The following EML4 variants were observed in gnomAD, a reference collection of about 807,000 sequenced individuals.
EML4 encodes EMAP like 4, also known as echinoderm microtubule-associated protein-like 4.
EML4 carries 72 observed loss-of-function variants against 129.0 expected under a neutral mutation model. The ratio of observed to expected loss-of-function variants is 0.56; its 90% CI spans 0.46 to 0.68. EML4 has a LOEUF of 0.68. EML4 is among the 30% of genes least tolerant of loss of function. The probability of loss-of-function intolerance (pLI) is 0.00; values close to 1 mark genes in which losing one functional copy is unlikely to be tolerated. For synonymous variants in EML4, 532 were observed against 405.0 expected, an observed-to-expected ratio of 1.31 and a Z score of -3.77; for missense variants, 1,363 against 1,190.6, an observed-to-expected ratio of 1.14 and a Z score of -2.13.
chr2:42,192,965 T>G (rs1405579889), intron 1 of EML4, among the ~76,000 whole-genome samples: 1 of 152,154 alleles, frequency 6.6e-6, no homozygotes, highest in Admixed American at 6.5e-5. Flanking sequence ...TGAGGTAGTA[T>G]AGTGTATGTC....
At chr2:42,198,937 C>T (rs1672053789) in intron 1 of EML4, among the ~76,000 whole-genome samples, 1 of 152,032 alleles carries the variant, frequency 6.6e-6, no homozygotes, top group Non-Finnish European at 1.5e-5. Flanking sequence ...CAGGACTTGA[C>T]AAAGGAGAGT....
intron 1 of EML4, among the ~76,000 whole-genome samples, chr2:42,229,830 A>G (rs537213245): frequency 3.3e-5 from 5 of 152,092 alleles, no homozygotes; most frequent in Admixed American, 2.6e-4. Flanking sequence ...TAACAAAAAT[A>G]TACTTAATTT....
chr2:42,301,777 A>G (rs1170593296), intron 14 of EML4, among the ~76,000 whole-genome samples: 4 of 152,186 alleles, frequency 2.6e-5, no homozygotes, highest in African/African-American at 9.6e-5. Context: ...GGATCCTGAT[A>G]GTACTGCTCT....
chr2:42,286,133 A>T, intron 9 of EML4, 136 bp from the exon 10 acceptor site: 1 of 691,864 alleles, frequency 1.4e-6, no homozygotes, highest in Non-Finnish European at 2.7e-6. Context: ...ATTCATTTGG[A>T]GGCATGTCTA....
chr2:42,263,559 C>G (rs188179987), intron 5 of EML4, among the ~76,000 whole-genome samples: 96 of 151,488 alleles, frequency 6.3e-4, no homozygotes, highest in Admixed American at 2.3e-3. Context: ...CACGTGCCAC[C>G]ATGCCCAGCT....
At chr2:42,196,337 C>T (rs928251879) in intron 1 of EML4, among the ~76,000 whole-genome samples, 2 of 152,150 alleles carry the variant, frequency 1.3e-5, no homozygotes, top group South Asian at 2.1e-4. Context: ...CATCTGTTGA[C>T]GCTTGCTTAT....
chr2:42,209,286 C>G (rs1243059747), intron 1 of EML4, among the ~76,000 whole-genome samples: 2 of 149,036 alleles, frequency 1.3e-5, no homozygotes, highest in Non-Finnish European at 2.9e-5. Context: ...CAGAAGTGTA[C>G]TTTAACTTTC....
At chr2:42,216,915 G>C (rs1162633806) in intron 1 of EML4, among the ~76,000 whole-genome samples, 1 of 152,176 alleles carries the variant, frequency 6.6e-6, no homozygotes, top group African/African-American at 2.4e-5. Context: ...TGAAATGGCA[G>C]AGAAACAAAG....
chr2:42,298,621 C>T (rs1668086069), intron 13 of EML4, among the ~76,000 whole-genome samples: 1 of 152,098 alleles, frequency 6.6e-6, no homozygotes, highest in East Asian at 1.9e-4. Context: ...AAATAACTTT[C>T]CTGGAGTGAG....
chr2:42,247,464 CTT>C (rs1190258142), intron 2 of EML4, among the ~76,000 whole-genome samples: 1 of 152,052 alleles, frequency 6.6e-6, no homozygotes, highest in Non-Finnish European at 1.5e-5. Flanking sequence ...GATTCCCACT[CTT>C]TTCCCTCTTG....
intron 1 of EML4, among the ~76,000 whole-genome samples, chr2:42,206,589 C>CAGTT (rs1481994358): frequency 6.6e-6 from 1 of 152,108 alleles, no homozygotes. Context: ...TGTTCGTGAG[C>CAGTT]CTTTTTTGTT....
chr2:42,250,793 C>T (rs1466500675), intron 2 of EML4, among the ~76,000 whole-genome samples: 1 of 152,092 alleles, frequency 6.6e-6, no homozygotes, highest in South Asian at 2.1e-4. Flanking sequence ...TTGTTGTATT[C>T]TTATTGCATA....
chr2:42,239,076 T>C (rs1188523040), intron 1 of EML4, among the ~76,000 whole-genome samples: 1 of 152,184 alleles, frequency 6.6e-6, no homozygotes, highest in Non-Finnish European at 1.5e-5. Context: ...ATTATTTAAT[T>C]AGAAGTATAA....
At chr2:42,261,479 A>G (rs140137963) in intron 4 of EML4, 185 bp downstream of exon 4, 484 of 370,946 alleles carry the variant, frequency 1.3e-3, no homozygotes, top group Non-Finnish European at 1.6e-3. Flanking sequence ...TAAGGTCACA[A>G]TTTCTCAGTT....
chr2:42,211,918 C>T (rs1672907872), intron 1 of EML4, among the ~76,000 whole-genome samples: 1 of 152,060 alleles, frequency 6.6e-6, no homozygotes, highest in Admixed American at 6.6e-5. Flanking sequence ...AATTTTGGCT[C>T]ACTGCAACCT....
At chr2:42,237,515 A>T (rs565378749) in intron 1 of EML4, among the ~76,000 whole-genome samples, 52 of 152,154 alleles carry the variant, frequency 3.4e-4, no homozygotes, top group Non-Finnish European at 6.2e-4. Context: ...GGGCTTTAAT[A>T]TATGGTTCAC....
At chr2:42,289,160 A>C (rs1313623955) in intron 11 of EML4, 1 of 152,232 alleles carries the variant, frequency 6.6e-6, no homozygotes, top group Admixed American at 6.5e-5. Flanking sequence ...GAAAACCTCA[A>C]ACTTTAAAAA....
intron 13 of EML4, among the ~76,000 whole-genome samples, chr2:42,300,569 G>T (rs1256694230): frequency 1.3e-5 from 2 of 152,266 alleles, no homozygotes; most frequent in African/African-American, 2.4e-5. Flanking sequence ...TTCTCTGCTA[G>T]TAGGTCAAAA....
chr2:42,298,459 C>T (rs750519045), intron 13 of EML4, among the ~76,000 whole-genome samples: 2 of 152,036 alleles, frequency 1.3e-5, no homozygotes, highest in African/African-American at 2.4e-5. Context: ...TATTTGGCAA[C>T]TGAAATATCA....
Sources: allele counts gnomAD v4.1 joint callset (sites outside exome capture counted in the v4.1 genomes callset), GRCh38; gene constraint gnomAD v4.1.1; transcripts MANE v1.5; gene names NCBI Gene and HGNC (gene_info 2026-07-23, HGNC 2026-07-21).